The following PCDH11X variants were observed in gnomAD, a reference collection of about 807,000 sequenced individuals.
PCDH11X encodes the protein protocadherin 11 X-linked.
PCDH11X carries 18 observed loss-of-function variants against 53.3 expected under a neutral mutation model. The observed-to-expected ratio is 0.34, with a 90% CI of 0.23 to 0.50. The LOEUF is 0.50. PCDH11X is among the 20% of genes least tolerant of loss of function. The pLI is 0.98. For synonymous variants in PCDH11X, 279 were observed against 393.3 expected (o/e 0.71, Z 3.44); for missense variants, 570 against 1,032.4 (o/e 0.55, Z 6.14).
At chrX:92,408,686 C>A (rs1339293934) in intron 9 of PCDH11X, among the ~76,000 whole-genome samples, 24 of 110,976 alleles carry the variant, frequency 2.2e-4, no homozygotes. Flanking sequence ...GGGTTCACGC[C>A]ATTCTCCTGC....
At chrX:92,197,428 T>C (rs759532748) in intron 6 of PCDH11X, among the ~76,000 whole-genome samples, 1 of 112,397 alleles carries the variant, frequency 8.9e-6, no homozygotes, top group Non-Finnish European at 1.9e-5. Context: ...ATCATTCATC[T>C]ATATATGTCC....
At chrX:92,417,798 T>G (rs1292539329) in intron 9 of PCDH11X, among the ~76,000 whole-genome samples, 1 of 95,325 alleles carries the variant, frequency 1.0e-5, no homozygotes, top group African/African-American at 3.9e-5. Flanking sequence ...GGTCACACAC[T>G]TTTGTTTTCT....
At chrX:92,185,274 T>C (rs1242177872) in intron 6 of PCDH11X, among the ~76,000 whole-genome samples, 2 of 110,345 alleles carry the variant, frequency 1.8e-5, no homozygotes, top group East Asian at 5.7e-4. Context: ...AATAAATAAG[T>C]AAATAAATAG....
intron 6 of PCDH11X, among the ~76,000 whole-genome samples, chrX:91,925,687 A>C (rs1239286247): frequency 9.0e-6 from 1 of 110,952 alleles, no homozygotes; most frequent in African/African-American, 3.3e-5. Context: ...GTTTACCATT[A>C]AATTTGAATT....
At chrX:92,274,442 T>C (rs2068034223) in intron 8 of PCDH11X, among the ~76,000 whole-genome samples, 1 of 111,013 alleles carries the variant, frequency 9.0e-6, no homozygotes, top group Non-Finnish European at 1.9e-5. Context: ...ACGGAGGAAT[T>C]ATGTCTGACA....
chrX:92,450,867 G>A (rs929540338), intron 9 of PCDH11X, among the ~76,000 whole-genome samples: 4 of 110,858 alleles, frequency 3.6e-5, no homozygotes, highest in African/African-American at 1.3e-4. Flanking sequence ...ACTCGCTTTG[G>A]CTCAGAAGTG....
chrX:92,218,117 T>C (rs2066763749), intron 7 of PCDH11X, among the ~76,000 whole-genome samples: 1 of 111,200 alleles, frequency 9.0e-6, no homozygotes, highest in South Asian at 3.8e-4. Context: ...ATTGACACCC[T>C]AACATCACAG....
chrX:92,160,630 TA>T (rs1316676569), intron 6 of PCDH11X, among the ~76,000 whole-genome samples: 1 of 94,833 alleles, frequency 1.1e-5, no homozygotes, highest in Non-Finnish European at 2.2e-5. Flanking sequence ...CATGTGCAGG[TA>T]TTTTTTTTTC....
intron 10 of PCDH11X, among the ~76,000 whole-genome samples, chrX:92,472,483 G>A (rs1603338827): frequency 1.0e-5 from 1 of 97,873 alleles, no homozygotes; most frequent in South Asian, 5.0e-4. Context: ...GTCTGTTCCT[G>A]TACCAGTGCC....
rs2074107320 is a variant in PCDH11X at position 92,508,489 on chromosome X, G to A, written c.3367+40167G>A. Among the ~76,000 whole-genome samples, 4 of 111,336 alleles carry A rather than the reference G, an allele frequency of 3.6e-5. No homozygotes were observed. The South Asian group carries it at 1.5e-3, about 42-fold the overall frequency. On this transcript the variant is annotated intron_variant, in intron 10 of 10. Transcript: ENST00000682573. ...ACCTGCCTCAGCCTCCCAAAGTGCT[G>A]GAATTACAGGCGTGAGCCACTGTGC... is the stretch of plus-strand genomic sequence containing the variant.
intron 6 of PCDH11X, among the ~76,000 whole-genome samples, chrX:92,142,374 A>G (rs867829659): frequency 4.9e-3 from 487 of 100,308 alleles, no homozygotes; most frequent in Middle Eastern, 0.021. Context: ...GCGCGCGCAC[A>G]CACACACACA....
chrX:92,575,934 T>TACAC (rs1353338801), intron 10 of PCDH11X, among the ~76,000 whole-genome samples: 12 of 23,565 alleles, frequency 5.1e-4, no homozygotes, highest in South Asian at 2.2e-3. Flanking sequence ...TATATATATA[T>TACAC]ATATATATAT....
intron 10 of PCDH11X, among the ~76,000 whole-genome samples, chrX:92,519,644 T>C (rs1032016583): frequency 1.2e-4 from 13 of 109,455 alleles, no homozygotes; most frequent in African/African-American, 4.3e-4. Context: ...GACAGGTAAA[T>C]CAAAAGTGTA....
intron 4 of PCDH11X, among the ~76,000 whole-genome samples, chrX:91,829,590 C>A (rs1194322651): frequency 2.7e-5 from 3 of 110,475 alleles, no homozygotes; most frequent in African/African-American, 9.9e-5. Context: ...TAATTTCACC[C>A]ACGAATAATA....
chrX:91,966,229 C>T (rs1177999366), intron 6 of PCDH11X, among the ~76,000 whole-genome samples: 2 of 108,885 alleles, frequency 1.8e-5, no homozygotes, highest in Non-Finnish European at 1.9e-5. Context: ...AAGTTTCAAG[C>T]TTTAAGACCA....
intron 8 of PCDH11X, among the ~76,000 whole-genome samples, chrX:92,285,588 G>C (rs144010594): frequency 0.094 from 10,439 of 110,998 alleles, 657 homozygotes; most frequent in East Asian, 0.24. Context: ...AAGTCAATCT[G>C]TGTGTGTAAT....
At chrX:92,346,964 G>GT (rs1480970897) in intron 8 of PCDH11X, among the ~76,000 whole-genome samples, 1 of 110,641 alleles carries the variant, frequency 9.0e-6, no homozygotes, top group Non-Finnish European at 1.9e-5. Context: ...TTAATTGGTG[G>GT]TAAAAAAAAC....
chrX:91,838,568 G>A (rs1311233323), intron 5 of PCDH11X, among the ~76,000 whole-genome samples: 1 of 110,873 alleles, frequency 9.0e-6, no homozygotes, highest in East Asian at 2.8e-4. Context: ...TGGCATATAT[G>A]CTATGGGAAA....
chrX:91,991,045 C>A (rs774524434), intron 6 of PCDH11X, among the ~76,000 whole-genome samples: 4 of 108,904 alleles, frequency 3.7e-5, no homozygotes, highest in East Asian at 5.9e-4. Context: ...GGAGCTCTGG[C>A]TTTCCACTAG....
Sources: allele counts gnomAD v4.1 joint callset (sites outside exome capture counted in the v4.1 genomes callset), GRCh38; gene constraint gnomAD v4.1.1; transcripts MANE v1.5; gene names NCBI Gene and HGNC (gene_info 2026-07-23, HGNC 2026-07-21).